The following CPEB2 variants were observed in gnomAD, a reference collection of about 807,000 sequenced individuals.
CPEB2 encodes cytoplasmic polyadenylation element binding protein 2.
A neutral mutation model predicts 93.6 loss-of-function variants in CPEB2; 56 were observed. That is an observed-to-expected ratio of 0.60 (90% confidence interval 0.48 to 0.75). The LOEUF is 0.75. CPEB2 is among the 30% of genes least tolerant of loss of function. The pLI, the probability that CPEB2 is intolerant of heterozygous loss-of-function variation, is 0.00. For missense variants in CPEB2, 1,579 were observed against 1,395.1 expected (o/e 1.13, Z -2.10); for synonymous variants, 764 against 586.3 (o/e 1.30, Z -4.38).
intron 11 of CPEB2, among the ~76,000 whole-genome samples, chr4:15,064,580 A>T (rs894195973): frequency 1.7e-4 from 26 of 151,160 alleles, no homozygotes; most frequent in Non-Finnish European, 3.4e-4. Context: ...ATCTTATTTT[A>T]AAAAAAAAGA....
intron 4 of CPEB2, among the ~76,000 whole-genome samples, chr4:15,021,676 G>A (rs1014559269): frequency 6.6e-6 from 1 of 152,120 alleles, no homozygotes; most frequent in Admixed American, 6.6e-5. Flanking sequence ...AAGTCGTAAT[G>A]CCTTTACCAG....
In CPEB2 at chr4:15,002,700, G is replaced by T. The variant is rs557118095; in HGVS notation, c.27G>T (p.Leu9=). ...TGAGGGATTTCGGGTTTGGGGTGCT[G>T]CAGACCGCCCCGCTCCGAAGTAGCA... MRDFGFGV[L]QTAPLRSSSP... is the part of the protein sequence containing the mutation. Residue 9 remains leucine, a synonymous_variant, in exon 1 of 12, where the codon CTG becomes CTT. Coordinates refer to ENST00000538197, the MANE Select transcript of CPEB2 (RefSeq NM_001177382.2). 1 of 1,521,402 alleles carries T rather than the reference G, an allele frequency of 6.6e-7. No individual in the cohort carries two copies. The highest frequency in any genetic ancestry group is 2.0e-5 in the Admixed American group (1 of 49,494). The allele number at this position is 1,521,402 out of a possible 1,614,324, so 94.2% of individuals were successfully genotyped here. A position where few individuals can be genotyped will look rare whatever the true frequency, so the allele number is the denominator to read the frequency against.
intron 1 of CPEB2, 87 bp downstream of exon 1, chr4:15,004,422 G>A (rs1202372775): frequency 3.9e-6 from 4 of 1,028,596 alleles, no homozygotes; most frequent in Non-Finnish European, 5.3e-6. Context: ...CCGGGGACCC[G>A]ACCTTAGCCC....
At chr4:15,012,312 A>G (rs1723597953) in intron 3 of CPEB2, among the ~76,000 whole-genome samples, 1 of 152,050 alleles carries the variant, frequency 6.6e-6, no homozygotes, top group African/African-American at 2.4e-5. Flanking sequence ...AATTCTTGTG[A>G]GTACTAGAAT....
At chr4:15,004,430 C>A in intron 1 of CPEB2, 95 bp downstream of exon 1, 2 of 950,912 alleles carry the variant, frequency 2.1e-6, no homozygotes, top group African/African-American at 1.8e-5. Context: ...CCGACCTTAG[C>A]CCCGAGAGAA....
chr4:15,003,738 C>T lies in CPEB2; in HGVS notation c.1065C>T (p.Gly355=). ...TTCCACACCCGGGCGGCGGCGGCGG[C>T]GGCGGGGGCGGGGGGCCCCCAGGAG... ...PDLPHPGGGG[G]GGGGGPPGGG... The change falls in exon 1 of 12, where the codon GGC becomes GGT. Residue 355 remains glycine (G), a synonymous_variant. Transcript: ENST00000538197. The T allele has an allele frequency of 5.9e-5, 70 of 1,184,870 alleles. 1 individual carries two copies. The highest frequency in any genetic ancestry group is 7.3e-5 in the Non-Finnish European group (70 of 958,706). 73.4% of individuals were successfully genotyped at this position (1,184,870 alleles called of 1,614,324 possible). A position where few individuals can be genotyped will look rare whatever the true frequency, so the allele number is the denominator to read the frequency against.
intron 4 of CPEB2, among the ~76,000 whole-genome samples, chr4:15,020,937 C>G (rs557373424): frequency 2.6e-5 from 4 of 152,110 alleles, no homozygotes; most frequent in South Asian, 4.2e-4. Context: ...GAAGCTGAGA[C>G]CTGAAGCATG....
intron 6 of CPEB2, among the ~76,000 whole-genome samples, chr4:15,047,100 G>A (rs1284366367): frequency 6.6e-6 from 1 of 152,064 alleles, no homozygotes; most frequent in African/African-American, 2.4e-5. Context: ...ACATGTATAG[G>A]CCCATTTCTA....
In CPEB2 at chr4:15,054,188, C is replaced by T; in HGVS notation, c.2432C>T (p.Ala811Val). ...GPLVVDWPHKAESKSYFPPKG... is the reference protein window; with the variant it reads ...GPLVVDWPHKVESKSYFPPKG... ...TTGGTAGTAGATTGGCCTCATAAAGCAGAAAGCAAGTCCTATTTTCCACCA... is the reference window on the plus strand; with the variant it reads ...TTGGTAGTAGATTGGCCTCATAAAGTAGAAAGCAAGTCCTATTTTCCACCA... The change falls in exon 8 of 12, where the codon GCA becomes GTA. Residue 811 changes from alanine (A) to valine (V), a missense_variant. Around this residue, in one of 2 missense-constraint regions of CPEB2, gnomAD observed 168 missense variants for 339.1 expected, o/e 0.50. Transcript: ENST00000538197. 1 of 1,610,336 alleles carries T rather than the reference C, an allele frequency of 6.2e-7. No individual in the cohort carries two copies. Among genetic ancestry groups the T allele is most frequent in the Non-Finnish European group, 8.5e-7 (1 of 1,178,432 alleles).
At chr4:15,035,497 A>G (rs949198289) in intron 5 of CPEB2, among the ~76,000 whole-genome samples, 17 of 152,208 alleles carry the variant, frequency 1.1e-4, no homozygotes, top group Non-Finnish European at 4.4e-5. Flanking sequence ...GATGGTGAAC[A>G]GTGACAAAAA....
chr4:15,064,946 A>AAAAC (rs1246975397), intron 11 of CPEB2, among the ~76,000 whole-genome samples: 1 of 152,170 alleles, frequency 6.6e-6, no homozygotes, highest in Admixed American at 6.5e-5. Context: ...ATCAATTTAA[A>AAAAC]AAACAAACAA....
chr4:15,040,465 A>G lies in CPEB2; in HGVS notation c.2178A>G (p.Ala726=). 1.3e-6 allele frequency: 2 copies of G among 1,536,566 alleles called. No homozygotes were observed. The highest frequency in any genetic ancestry group is 1.7e-6 in the Non-Finnish European group (2 of 1,146,988). ...AATTTGTGCTTTGTTTACATGCAGC[A>G]AGGAGTTATGGGCGAAGACGAGGTA... is the stretch of plus-strand genomic sequence containing the variant. The part of the protein sequence containing the change: ...PGTDNLLMLN[A]RSYGRRRGRS... The change falls in exon 6 of 12, where the codon GCA becomes GCG. Residue 726 remains alanine (A), a splice_region_variant and synonymous_variant. Coordinates refer to ENST00000538197, the MANE Select transcript of CPEB2 (RefSeq NM_001177382.2).
chr4:15,003,738 CGGCGGG>C lies in CPEB2; in HGVS notation c.1074_1079del (p.Gly359_Gly360del), dbSNP rs751755268. The C allele has an allele frequency of 2.6e-5, 31 of 1,184,740 alleles. No individual in the cohort carries two copies. The highest frequency in any genetic ancestry group is 4.1e-5 in the Admixed American group (1 of 24,190). The allele number at this position is 1,184,740 out of a possible 1,614,324, so 73.4% of individuals were successfully genotyped here. ...TTCCACACCCGGGCGGCGGCGGCGGCGGCGGGGGCGGGGGGCCCCCAGGAGGCGGAG... is the reference window on the plus strand; with the variant it reads ...TTCCACACCCGGGCGGCGGCGGCGGCGGCGGGGGGCCCCCAGGAGGCGGAG... On this transcript the variant is annotated inframe_deletion, in exon 1 of 12. Transcript: ENST00000538197.
At chr4:15,026,746 G>A (rs1725520343) in intron 4 of CPEB2, among the ~76,000 whole-genome samples, 2 of 152,062 alleles carry the variant, frequency 1.3e-5, no homozygotes, top group South Asian at 4.1e-4. Flanking sequence ...CCTGTATATT[G>A]TATCTATACA....
Position 15,007,985 on chromosome 4 carries a change from A to G in CPEB2, c.1945-353A>G, listed in dbSNP as rs114278776. Among the ~76,000 whole-genome samples the G allele has an allele frequency of 4.7e-3, 720 of 152,292 alleles. 11 individuals are homozygous for G. The highest frequency in any genetic ancestry group is 0.017 in the African/African-American group (690 of 41,578). On this transcript the variant is annotated intron_variant, in intron 2 of 11. Coordinates refer to ENST00000538197, the MANE Select transcript of CPEB2 (RefSeq NM_001177382.2). ...CTTAGAATTGACTATAATTGGCTGT[A>G]TATATATTAGAATATACTTAGTACA...
intron 4 of CPEB2, 112 bp downstream of exon 4, chr4:15,017,390 C>G (rs1724294476): frequency 6.2e-6 from 3 of 480,866 alleles, no homozygotes; most frequent in South Asian, 4.0e-5. Flanking sequence ...ATATAAAACT[C>G]TCTTACACAT....
intron 11 of CPEB2, among the ~76,000 whole-genome samples, chr4:15,065,769 C>T (rs945713556): frequency 2.6e-5 from 4 of 152,106 alleles, no homozygotes; most frequent in Admixed American, 2.6e-4. Flanking sequence ...GAGGCGCCGC[C>T]TTAATCAGTG....
At position 15,002,568 on chromosome 4, in the gene CPEB2, C is replaced by A. The variant is rs2108926981; in HGVS notation, c.-106C>A. 3.3e-6 allele frequency: 3 copies of A among 921,866 alleles called. No individual in the cohort carries two copies. Among genetic ancestry groups the A allele is most frequent in the Non-Finnish European group, 4.6e-6 (3 of 646,068 alleles). The allele number at this position is 921,866 out of a possible 1,614,324, so 57.1% of individuals were successfully genotyped here. On this transcript the variant is annotated 5_prime_UTR_variant, in exon 1 of 12. It adds an upstream start codon to the 5' untranslated region. Coordinates refer to ENST00000538197, the MANE Select transcript of CPEB2 (RefSeq NM_001177382.2). ...GCTCAGTCACGGTGTCCCTCTCTCA[C>A]TGACTCCCCCTCCTTCCACCACGGC...
At chr4:15,006,872 A>G (rs1443603150) in intron 1 of CPEB2, among the ~76,000 whole-genome samples, 1 of 152,202 alleles carries the variant, frequency 6.6e-6, no homozygotes. Context: ...TTTCACTTGT[A>G]TGAGTAGGAT....
Sources: allele counts gnomAD v4.1 joint callset (sites outside exome capture counted in the v4.1 genomes callset), GRCh38; gene constraint gnomAD v4.1.1; regional missense constraint gnomAD v4.1.1; transcripts MANE v1.5; gene names NCBI Gene and HGNC (gene_info 2026-07-23, HGNC 2026-07-21).